The following KLF8 variants were observed in gnomAD, a reference collection of about 807,000 sequenced individuals.
KLF8 encodes Krueppel-like factor 8.
KLF8 carries 10 observed loss-of-function variants against 18.2 expected under a neutral mutation model. The ratio of observed to expected loss-of-function variants is 0.55; its 90% CI spans 0.34 to 0.93. KLF8 has a LOEUF of 0.93. KLF8 is among the 40% of genes least tolerant of loss of function. The pLI, the probability that KLF8 is intolerant of heterozygous loss-of-function variation, is 0.02. For synonymous variants in KLF8, 109 were observed against 97.3 expected (o/e 1.12, Z -0.71); for missense variants, 264 against 277.9 (o/e 0.95, Z 0.36).
At chrX:56,109,490 T>C in the KLF8 span, among the ~76,000 whole-genome samples, 1 of 111,627 alleles carries the variant, frequency 9.0e-6, no homozygotes, top group African/African-American at 3.3e-5. Flanking sequence ...GAGTGTTCTA[T>C]ATATGTTTAC....
the KLF8 span, among the ~76,000 whole-genome samples, chrX:56,184,708 G>A: frequency 3.1e-4 from 35 of 111,751 alleles, no homozygotes; most frequent in African/African-American, 8.5e-4. Context: ...AGCAGCATTC[G>A]TGGTTCATGA....
chrX:56,181,277 G>C, the KLF8 span, among the ~76,000 whole-genome samples: 1 of 110,188 alleles, frequency 9.1e-6, no homozygotes, highest in Non-Finnish European at 1.9e-5. Context: ...CAGACACTAG[G>C]ATTGCAAGCC....
At chrX:56,274,055 G>T (rs2147675799) in intron 5 of KLF8, among the ~76,000 whole-genome samples, 1 of 111,814 alleles carries the variant, frequency 8.9e-6, no homozygotes, top group South Asian at 3.8e-4. Context: ...GGGATTACTG[G>T]ATCTTATGAT....
the KLF8 span, among the ~76,000 whole-genome samples, chrX:56,072,780 A>G: frequency 9.0e-6 from 1 of 111,553 alleles, no homozygotes; most frequent in Non-Finnish European, 1.9e-5. Context: ...ATGTTGTACA[A>G]TCATCACTAC....
chrX:55,940,196 A>T, the KLF8 span, among the ~76,000 whole-genome samples: 1 of 112,183 alleles, frequency 8.9e-6, no homozygotes, highest in African/African-American at 3.2e-5. Flanking sequence ...CGTGGACTTC[A>T]TTCCTGGGAT....
the KLF8 span, among the ~76,000 whole-genome samples, chrX:56,153,467 T>C: frequency 1.8e-5 from 2 of 111,646 alleles, no homozygotes; most frequent in Non-Finnish European, 3.8e-5. Context: ...TCTGTAACAA[T>C]CTGTTGTTTT....
the KLF8 span, among the ~76,000 whole-genome samples, chrX:56,157,884 C>T: frequency 9.0e-6 from 1 of 111,385 alleles, no homozygotes; most frequent in Non-Finnish European, 1.9e-5. Context: ...TGCAGAAGCT[C>T]TTGAGTTTAA....
chrX:55,967,214 C>A, the KLF8 span, among the ~76,000 whole-genome samples: 1 of 111,419 alleles, frequency 9.0e-6, no homozygotes, highest in Non-Finnish European at 1.9e-5. Flanking sequence ...GGGGTAATTA[C>A]AAAGCACTTC....
chrX:56,053,116 C>T, the KLF8 span, among the ~76,000 whole-genome samples: 14 of 112,232 alleles, frequency 1.2e-4, no homozygotes, highest in South Asian at 1.8e-3. Flanking sequence ...ATGCCTCGCC[C>T]TGCTTCGGCT....
At chrX:55,973,173 A>G in the KLF8 span, among the ~76,000 whole-genome samples, 2 of 111,854 alleles carry the variant, frequency 1.8e-5, no homozygotes, top group Admixed American at 9.5e-5. Flanking sequence ...TTGAAACTGG[A>G]CTCTTGTCTT....
chrX:56,029,804 T>C, the KLF8 span, among the ~76,000 whole-genome samples: 2 of 111,920 alleles, frequency 1.8e-5, no homozygotes, highest in African/African-American at 3.3e-5. Flanking sequence ...AGAACACCCC[T>C]TTCCCTGTCC....
the KLF8 span, among the ~76,000 whole-genome samples, chrX:56,003,944 A>G: frequency 8.9e-6 from 1 of 112,518 alleles, no homozygotes; most frequent in African/African-American, 3.2e-5. Context: ...GACCTTGTGT[A>G]GTTTTTCTAT....
At chrX:56,173,414 A>G in the KLF8 span, among the ~76,000 whole-genome samples, 1 of 111,563 alleles carries the variant, frequency 9.0e-6, no homozygotes, top group South Asian at 3.7e-4. Context: ...GTGGTAGATA[A>G]GCAGCATTAT....
chrX:56,160,238 A>G, the KLF8 span, among the ~76,000 whole-genome samples: 1 of 111,921 alleles, frequency 8.9e-6, no homozygotes, highest in Non-Finnish European at 1.9e-5. Context: ...GTTTGATTGC[A>G]CTGTGGTCTG....
At position 56,291,206 on chromosome X, in the gene KLF8, G is replaced by A. The variant is rs1310499857; in HGVS notation, c.*6712G>A. 4.5e-5 allele frequency among the ~76,000 whole-genome samples: 5 copies of A among 111,833 alleles called. No homozygotes were observed. Among genetic ancestry groups the A allele is most frequent in the African/African-American group, 1.3e-4 (4 of 30,752 alleles). ...TTATAAGACAGTATATTAAGCTTTA[G>A]TCTCTGTAACTCTTATGTTTGTGCC... On this transcript the variant is annotated 3_prime_UTR_variant, in exon 6 of 6. Coordinates refer to ENST00000468660, the MANE Select transcript of KLF8 (RefSeq NM_007250.5).
the KLF8 span, among the ~76,000 whole-genome samples, chrX:56,045,788 G>T: frequency 9.0e-6 from 1 of 111,384 alleles, no homozygotes; most frequent in African/African-American, 3.3e-5. Flanking sequence ...GCATTTATCA[G>T]ATCTAGGAGC....
At position 56,232,467 on chromosome X, in the gene KLF8, C is replaced by T. The variant is rs2147547880; in HGVS notation, c.-868C>T. ...TGGGCCTAGCAGGGCCAGAGAAAGA[C>T]GGAATCACTCTACCCACTCAGGTTG... On this transcript the variant is annotated 5_prime_UTR_variant, in exon 1 of 6. The change creates a new upstream start codon in the 5' untranslated region. Coordinates refer to ENST00000468660, the MANE Select transcript of KLF8 (RefSeq NM_007250.5). 1 of 111,322 alleles carries T rather than the reference C, an allele frequency of 9.0e-6. No homozygotes were observed. Among genetic ancestry groups the T allele is most frequent in the East Asian group, 2.9e-4 (1 of 3,504 alleles). The allele number at this position is 111,322 out of a possible 1,213,427, so 9.2% of individuals were successfully genotyped here.
the KLF8 span, among the ~76,000 whole-genome samples, chrX:55,926,173 A>AG: frequency 2.1e-4 from 24 of 111,844 alleles, no homozygotes; most frequent in African/African-American, 6.5e-4. Context: ...GTTAGAGATA[A>AG]GGATAAGCTG....
chrX:56,179,521 C>A, the KLF8 span, among the ~76,000 whole-genome samples: 7 of 112,086 alleles, frequency 6.2e-5, no homozygotes, highest in South Asian at 2.6e-3. Context: ...GAACTTCCAA[C>A]ACTATGTTGA....
Sources: gnomAD v4.1 joint callset for allele counts (sites outside exome capture counted in the v4.1 genomes callset) on GRCh38, gnomAD v4.1.1 for gene constraint, MANE v1.5 for transcripts, NCBI Gene and HGNC (gene_info 2026-07-23, HGNC 2026-07-21) for gene names.